Variants in AASDH observed in about 807,000 individuals in gnomAD.
The protein encoded by AASDH is beta-alanine-activating enzyme.
In AASDH, 81 loss-of-function variants were observed where a neutral mutation model predicts 102.3. That is an observed-to-expected ratio of 0.79 (90% CI 0.66 to 0.95). The LOEUF is 0.95. Ranked by LOEUF, AASDH falls within the 40% of genes least tolerant of loss-of-function variation. The probability of loss-of-function intolerance (pLI) is 0.00; values close to 1 mark genes in which losing one functional copy is unlikely to be tolerated. For missense variants in AASDH, 1,203 were observed against 1,266.2 expected (o/e 0.95, Z 0.76); for synonymous variants, 398 against 454.0 (o/e 0.88, Z 1.57).
At chr4:56,382,208 C>T in intron 3 of AASDH, 2 of 322,580 alleles carry the variant, frequency 6.2e-6, no homozygotes, top group Non-Finnish European at 1.1e-5. Flanking sequence ...CTCTGGGGGA[C>T]AATTGGCAAT....
intron 5 of AASDH, 67 bp downstream of exon 5, chr4:56,371,384 A>G (rs985353501): frequency 2.0e-6 from 3 of 1,469,464 alleles, no homozygotes; most frequent in African/African-American, 2.9e-5. Flanking sequence ...GGAATACAAA[A>G]TATTCTCTAA....
At chr4:56,376,088 A>G (rs1752311353) in intron 4 of AASDH, among the ~76,000 whole-genome samples, 2 of 149,108 alleles carry the variant, frequency 1.3e-5, no homozygotes, top group South Asian at 2.1e-4. Context: ...CAGTGGTGCA[A>G]TAACGGATCA....
chr4:56,358,613 T>G (rs747797496), intron 5 of AASDH, among the ~76,000 whole-genome samples: 1 of 151,964 alleles, frequency 6.6e-6, no homozygotes, highest in Non-Finnish European at 1.5e-5. Context: ...GATAGGTATG[T>G]GCTTTTTGTT....
intron 5 of AASDH, among the ~76,000 whole-genome samples, chr4:56,368,839 G>A (rs527357194): frequency 1.3e-4 from 19 of 148,574 alleles, no homozygotes; most frequent in Non-Finnish European, 2.5e-4. Context: ...AAACCTGCAC[G>A]TTGTACACAT....
At chr4:56,356,637 C>A in intron 5 of AASDH, 1 of 693,328 alleles carries the variant, frequency 1.4e-6, no homozygotes, top group Non-Finnish European at 2.6e-6. Flanking sequence ...TGGTTGTCTT[C>A]TTGCCTGCCC....
Position 56,354,789 on chromosome 4 carries a change from C to T in AASDH, c.1126G>A (p.Gly376Arg). 1 of 1,608,114 alleles carries T rather than the reference C, an allele frequency of 6.2e-7. No individual in the cohort carries two copies. Among genetic ancestry groups the T allele is most frequent in the Non-Finnish European group, 8.5e-7 (1 of 1,177,478 alleles). ...ACTACTGTTCCAAGAAGTGGAAATCCCAGTTGTACAGGCAATTCACATCTA... is the reference window on the plus strand; with the variant it reads ...ACTACTGTTCCAAGAAGTGGAAATCTCAGTTGTACAGGCAATTCACATCTA... ...TLKCELPVQL[G>R]FPLLGTVVEV... Residue 376 changes from glycine to arginine, a missense_variant, in exon 7 of 15, where the codon GGA (glycine) becomes AGA (arginine). Transcript: ENST00000205214.
intron 10 of AASDH, among the ~76,000 whole-genome samples, chr4:56,350,317 C>T (rs1016874218): frequency 1.3e-5 from 2 of 151,906 alleles, no homozygotes; most frequent in African/African-American, 2.4e-5. Context: ...TAGCTGGGTG[C>T]GGTGGTAGCC....
chr4:56,345,318 TGATATA>T, intron 11 of AASDH, 28 bp from the exon 12 acceptor site: 6 of 1,591,772 alleles, frequency 3.8e-6, no homozygotes, highest in East Asian at 2.2e-5. Flanking sequence ...ACAAAAGATT[TGATATA>T]GATATATTAC....
At chr4:56,354,635 A>C in intron 7 of AASDH, 70 bp downstream of exon 7, 1 of 1,142,038 alleles carries the variant, frequency 8.8e-7, no homozygotes, top group Non-Finnish European at 1.3e-6. Flanking sequence ...AAAAGACGAA[A>C]GGAATAAAAT....
intron 5 of AASDH, among the ~76,000 whole-genome samples, chr4:56,368,565 T>C (rs1276579621): frequency 2.6e-5 from 4 of 151,756 alleles, no homozygotes; most frequent in South Asian, 2.1e-4. Flanking sequence ...TCATGTCCTT[T>C]GTAGGGACAT....
In AASDH at chr4:56,338,756, T is replaced by C. The variant is rs1378721009; in HGVS notation, c.2943A>G (p.Ser981=). The C allele has an allele frequency of 6.2e-7, 1 of 1,614,126 alleles. No homozygotes were observed. Among genetic ancestry groups the C allele is most frequent in the Non-Finnish European group, 8.5e-7 (1 of 1,180,010 alleles). Residue 981 remains serine, a synonymous_variant, in exon 15 of 15, where the codon TCA becomes TCG. Transcript: ENST00000205214. The part of the protein sequence containing the change: ...WQFSTSGPIF[S]SPCTSPSEQK... Reference sequence around the variant, plus strand: ...GCTCTGATGGTGAGGTACACGGGGATGAAAAGATTGGTCCACTGGTAGAGA... The same window carrying C: ...GCTCTGATGGTGAGGTACACGGGGACGAAAAGATTGGTCCACTGGTAGAGA...
intron 9 of AASDH, among the ~76,000 whole-genome samples, chr4:56,353,019 T>C (rs185286996): frequency 1.8e-3 from 275 of 152,202 alleles, no homozygotes; most frequent in African/African-American, 6.2e-3. Flanking sequence ...CTTTTTTTTT[T>C]TTTAGATGTT....
intron 4 of AASDH, among the ~76,000 whole-genome samples, chr4:56,374,824 T>C (rs981723435): frequency 2.0e-5 from 3 of 152,178 alleles, no homozygotes; most frequent in Admixed American, 6.5e-5. Context: ...ACCCCCATTT[T>C]AAAATGGAGA....
intron 5 of AASDH, among the ~76,000 whole-genome samples, chr4:56,358,840 T>C (rs1008573755): frequency 6.6e-6 from 1 of 152,168 alleles, no homozygotes; most frequent in Non-Finnish European, 1.5e-5. Flanking sequence ...GTTGATAATG[T>C]TGTTCAAGTC....
chr4:56,365,441 T>C (rs1381404941), intron 5 of AASDH, among the ~76,000 whole-genome samples: 1 of 152,086 alleles, frequency 6.6e-6, no homozygotes, highest in Non-Finnish European at 1.5e-5. Context: ...ACACCACACC[T>C]ATTCCAAAAC....
chr4:56,349,835 C>T lies in AASDH; in HGVS notation c.1916G>A (p.Arg639Lys), dbSNP rs1362214151. 6.2e-6 allele frequency: 10 copies of T among 1,614,014 alleles called. No homozygotes were observed. The highest frequency in any genetic ancestry group is 1.3e-5 in the African/African-American group (1 of 74,926). ...TTTCCTTTTTGTGGCACAACTCTTCCTGAATGTCACATCTTCATCTGGAAC... is the reference window on the plus strand; with the variant it reads ...TTTCCTTTTTGTGGCACAACTCTTCTTGAATGTCACATCTTCATCTGGAAC... ...TVVPDEDVTFRKSCATKRKLS... is the reference protein window; with the variant it reads ...TVVPDEDVTFKKSCATKRKLS... The change falls in exon 11 of 15, where the codon AGG becomes AAG. Residue 639 changes from arginine (R) to lysine (K), a missense_variant. Arg to Lys is a conservative substitution (Grantham distance 26). Transcript: ENST00000205214.
chr4:56,355,080 T>G, intron 6 of AASDH, 102 bp downstream of exon 6: 1 of 1,347,488 alleles, frequency 7.4e-7, no homozygotes, highest in Non-Finnish European at 1.0e-6. Flanking sequence ...ACAATCGTGT[T>G]TCTAAAATTA....
intron 5 of AASDH, among the ~76,000 whole-genome samples, chr4:56,359,507 G>A (rs116540489): frequency 1.6e-4 from 25 of 151,844 alleles, no homozygotes; most frequent in Middle Eastern, 3.4e-3. Flanking sequence ...CTCCCACCTC[G>A]GCCCCCCAGA....
At position 56,380,881 on chromosome 4, in the gene AASDH, A is replaced by G. The variant is rs933584857; in HGVS notation, c.351+1596T>C. ...ATTACAATAAAAAATATGTCTAGAC[A>G]TTGCCAATTGTCCCCAGTTGAGAAC... On this transcript the variant is annotated intron_variant, in intron 3 of 14. Coordinates refer to ENST00000205214, the MANE Select transcript of AASDH (RefSeq NM_181806.4). Among the ~76,000 whole-genome samples, 3 of 152,194 alleles carry G rather than the reference A, an allele frequency of 2.0e-5. No homozygotes were observed. The East Asian group carries it at 5.8e-4, about 29-fold the overall frequency.
Sources: allele counts gnomAD v4.1 joint callset (sites outside exome capture counted in the v4.1 genomes callset), GRCh38; gene constraint gnomAD v4.1.1; transcripts MANE v1.5; gene names NCBI Gene and HGNC (gene_info 2026-07-23, HGNC 2026-07-21).